The following POR variants were observed in gnomAD, a reference collection of about 807,000 sequenced individuals.
The protein encoded by POR is cytochrome p450 oxidoreductase, also known as NADPH--cytochrome P450 reductase.
In POR, 56 loss-of-function variants were observed where a neutral mutation model predicts 84.0. The observed-to-expected ratio is 0.67, with a 90% CI of 0.54 to 0.83. The LOEUF is 0.83. Ranked by LOEUF, POR falls within the 40% of genes least tolerant of loss-of-function variation. POR has a pLI of 0.00. For missense variants in POR, 938 were observed against 944.3 expected (o/e 0.99, Z 0.09); for synonymous variants, 414 against 400.5 (o/e 1.03, Z -0.40).
At position 75,970,261 on chromosome 7, in the gene POR, G is replaced by A. The variant is rs552133603; in HGVS notation, c.189-2152G>A. On this transcript the variant is annotated intron_variant, in intron 2 of 15. Transcript: ENST00000461988. ...GGAGGCTTCAAAATCAATCAGTCGG[G>A]CCCCACATGTACCACTTCTGTTTAT... Among the ~76,000 whole-genome samples the A allele has an allele frequency of 1.3e-4, 20 of 152,100 alleles. 1 individual carries two copies. The South Asian group carries it at 2.3e-3, about 17-fold the overall frequency.
intron 1 of POR, among the ~76,000 whole-genome samples, chr7:75,927,968 C>CTT (rs1243977285): frequency 0.024 from 2,620 of 106,940 alleles, 164 homozygotes; most frequent in African/African-American, 0.085. Flanking sequence ...TCTCAGGTTT[C>CTT]TTTTTTTTTT....
At chr7:75,957,135 GCT>G (rs1554553839) in intron 2 of POR, among the ~76,000 whole-genome samples, 1 of 152,178 alleles carries the variant, frequency 6.6e-6, no homozygotes, top group East Asian at 1.9e-4. Flanking sequence ...CCTCATTTCT[GCT>G]CTCAGAGAGG....
chr7:75,985,439 A>C, intron 12 of POR, 140 bp from the exon 13 acceptor site: 1 of 1,183,760 alleles, frequency 8.4e-7, no homozygotes, highest in Non-Finnish European at 1.1e-6. Context: ...GCCGCTGGGG[A>C]GGGGGCCTCT....
chr7:75,940,641 G>A (rs868914638), intron 1 of POR, among the ~76,000 whole-genome samples: 2 of 151,624 alleles, frequency 1.3e-5, no homozygotes, highest in African/African-American at 4.8e-5. Flanking sequence ...AAAATTAGCC[G>A]GGTGTGGTGG....
At chr7:75,936,625 G>A (rs1394770790) in intron 1 of POR, among the ~76,000 whole-genome samples, 2 of 151,962 alleles carry the variant, frequency 1.3e-5, no homozygotes, top group African/African-American at 4.8e-5. Flanking sequence ...GCTTGCTGCC[G>A]TGGACTTGCT....
At chr7:75,956,297 A>G (rs1037209583) in intron 2 of POR, among the ~76,000 whole-genome samples, 1 of 152,078 alleles carries the variant, frequency 6.6e-6, no homozygotes, top group Non-Finnish European at 1.5e-5. Context: ...CGTCTCAAAA[A>G]CAAAACAAAA....
intron 1 of POR, among the ~76,000 whole-genome samples, chr7:75,925,958 A>T (rs1364036456): frequency 6.6e-6 from 1 of 151,886 alleles, no homozygotes; most frequent in Non-Finnish European, 1.5e-5. Context: ...GCCAGTCCAA[A>T]GTGAAGGTTC....
rs782676130 is a variant in POR, at chr7:75,983,529, T to G, written c.840T>G (p.Asp280Glu). The G allele has an allele frequency of 6.2e-7, 1 of 1,612,602 alleles. No homozygotes were observed. The highest frequency in any genetic ancestry group is 1.1e-5 in the South Asian group (1 of 91,074). Residue 280 changes from aspartate (D) to glutamate (E), a missense_variant, in exon 9 of 16, where the codon GAT becomes GAG. Physicochemically the swap from Asp to Glu is conservative, Grantham distance 45. Transcript: ENST00000461988. ...TCTCCTCCCCACCCAGCCCCTTTGA[T>G]GCCAAGAATCCGTTCCTGGCTGCAG... is the stretch of plus-strand genomic sequence containing the variant.
intron 2 of POR, among the ~76,000 whole-genome samples, chr7:75,970,207 G>A (rs536689076): frequency 6.6e-6 from 1 of 152,044 alleles, no homozygotes; most frequent in Non-Finnish European, 1.5e-5. Context: ...CTTACTCAGG[G>A]TGTAGCTATT....
chr7:75,931,374 T>G (rs2116275019), intron 1 of POR, among the ~76,000 whole-genome samples: 1 of 150,396 alleles, frequency 6.6e-6, no homozygotes, highest in Non-Finnish European at 1.5e-5. Context: ...TATTTATTTA[T>G]TTATTTATTT....
chr7:75,944,113 T>C (rs966852247), intron 1 of POR, among the ~76,000 whole-genome samples: 5 of 152,170 alleles, frequency 3.3e-5, no homozygotes, highest in Non-Finnish European at 5.9e-5. Flanking sequence ...GATCATGTGC[T>C]GTCTTCCCTC....
At chr7:75,943,458 G>A (rs1585097066) in intron 1 of POR, among the ~76,000 whole-genome samples, 1 of 152,244 alleles carries the variant, frequency 6.6e-6, no homozygotes, top group African/African-American at 2.4e-5. Context: ...ACCAACTTAG[G>A]TTAAGTCCAT....
intron 3 of POR, among the ~76,000 whole-genome samples, chr7:75,974,969 TTGTC>T (rs1424056101): frequency 6.6e-6 from 1 of 152,194 alleles, no homozygotes; most frequent in Non-Finnish European, 1.5e-5. Flanking sequence ...GTTAAAGAGT[TTGTC>T]TTTTAGTGAG....
intron 1 of POR, among the ~76,000 whole-genome samples, chr7:75,942,583 T>C (rs1187989699): frequency 6.6e-6 from 1 of 151,910 alleles, no homozygotes; most frequent in Non-Finnish European, 1.5e-5. Context: ...TTTTAAAATA[T>C]GGGAATTTCC....
At chr7:75,964,450 G>GAT (rs1788086026) in intron 2 of POR, among the ~76,000 whole-genome samples, 1 of 152,096 alleles carries the variant, frequency 6.6e-6, no homozygotes, top group South Asian at 2.1e-4. Context: ...TGGGATTACA[G>GAT]GCGCCTGCCA....
intron 2 of POR, among the ~76,000 whole-genome samples, chr7:75,970,605 C>T (rs1788385952): frequency 6.6e-6 from 1 of 151,794 alleles, no homozygotes; most frequent in Non-Finnish European, 1.5e-5. Context: ...CCTTGGTTTC[C>T]CAAAGTGCTG....
At chr7:75,939,224 A>C (rs1563406541) in intron 1 of POR, among the ~76,000 whole-genome samples, 1 of 152,314 alleles carries the variant, frequency 6.6e-6, no homozygotes, top group South Asian at 2.1e-4. Flanking sequence ...GTCCTTCGAC[A>C]TGACGTTTTT....
At chr7:75,973,009 G>A (rs1554556409) in intron 3 of POR, among the ~76,000 whole-genome samples, 1 of 151,872 alleles carries the variant, frequency 6.6e-6, no homozygotes, top group East Asian at 2.0e-4. Context: ...TTTTAATAGA[G>A]ATGGGATTTC....
rs1238804117 is a variant in POR, at chr7:75,974,524, C to CTTTTTTTTTTTTTTTTTTTTTTTT, written c.237+2083_237+2084insTTTTTTTTTTTTTTTTTTTTTTTT. Among the ~76,000 whole-genome samples the CTTTTTTTTTTTTTTTTTTTTTTTT allele has an allele frequency of 1.7e-4, 18 of 107,898 alleles. 1 individual carries two copies. The highest frequency in any genetic ancestry group is 3.3e-4 in the Admixed American group (3 of 9,062). The allele number at this position is 107,898 out of a possible 152,430, so 70.8% of individuals were successfully genotyped here. On this transcript the variant is annotated intron_variant, in intron 3 of 15. Transcript: ENST00000461988. The stretch of plus-strand genomic sequence containing the variant: ...TTCGTTTCTTTTTCTTTTTTCTTTT[C>CTTTTTTTTTTTTTTTTTTTTTTTT]TTTTTTTTTTTTTTTTTTTTGAGAC...
Sources: gnomAD v4.1 joint callset for allele counts (sites outside exome capture counted in the v4.1 genomes callset) on GRCh38, gnomAD v4.1.1 for gene constraint, MANE v1.5 for transcripts, NCBI Gene and HGNC (gene_info 2026-07-23, HGNC 2026-07-21) for gene names.